Variants in PCDH9 observed in about 807,000 individuals in gnomAD.
The protein encoded by PCDH9 is protocadherin-9.
In PCDH9, 24 loss-of-function variants were observed where a neutral mutation model predicts 70.6. The observed-to-expected ratio is 0.34, with a 90% confidence interval of 0.25 to 0.48. PCDH9 has a LOEUF of 0.48. Ranked by LOEUF, PCDH9 falls within the 20% of genes least tolerant of loss-of-function variation. The pLI is 0.99. For missense variants in PCDH9, 1,281 were observed against 1,503.6 expected, an observed-to-expected ratio of 0.85 and a Z score of 2.45; for synonymous variants, 562 against 558.5, an observed-to-expected ratio of 1.01 and a Z score of -0.09.
chr13:67,166,603 C>T (rs185852602), intron 2 of PCDH9, among the ~76,000 whole-genome samples: 10 of 152,092 alleles, frequency 6.6e-5, no homozygotes, highest in South Asian at 2.1e-4. Flanking sequence ...TGAAAGTGTC[C>T]GGTTATTTTA....
chr13:66,608,097 T>C (rs1006463906), intron 4 of PCDH9, among the ~76,000 whole-genome samples: 24 of 152,082 alleles, frequency 1.6e-4, no homozygotes, highest in African/African-American at 5.8e-4. Context: ...GATCAGAAGG[T>C]ATTTTACAAC....
chr13:66,526,667 T>G (rs1174008387), intron 4 of PCDH9, among the ~76,000 whole-genome samples: 1 of 152,082 alleles, frequency 6.6e-6, no homozygotes, highest in Non-Finnish European at 1.5e-5. Flanking sequence ...ATATACAAGA[T>G]GCTTCTGATA....
chr13:66,309,403 CTGAT>C (rs1468405300), intron 4 of PCDH9, among the ~76,000 whole-genome samples: 1 of 152,008 alleles, frequency 6.6e-6, no homozygotes, highest in African/African-American at 2.4e-5. Flanking sequence ...TGTTTATAAT[CTGAT>C]ATATGCTAAT....
At chr13:67,214,879 G>A (rs1465173737) in intron 2 of PCDH9, 1 of 139,186 alleles carries the variant, frequency 7.2e-6, no homozygotes, top group African/African-American at 2.6e-5. Context: ...TGGTATTCTT[G>A]GACAGGAGGT....
chr13:67,093,179 G>C (rs1213374477), intron 2 of PCDH9, among the ~76,000 whole-genome samples: 1 of 152,146 alleles, frequency 6.6e-6, no homozygotes, highest in Non-Finnish European at 1.5e-5. Flanking sequence ...AATAGATCAG[G>C]TGCCGTGGCT....
At chr13:66,899,791 G>C (rs1317442275) in intron 3 of PCDH9, among the ~76,000 whole-genome samples, 2 of 151,960 alleles carry the variant, frequency 1.3e-5, no homozygotes, top group Non-Finnish European at 2.9e-5. Flanking sequence ...TTTAATCATT[G>C]CAATGTTTCT....
intron 2 of PCDH9, among the ~76,000 whole-genome samples, chr13:67,192,169 A>C (rs1228305050): frequency 2.6e-5 from 4 of 152,122 alleles, no homozygotes; most frequent in Non-Finnish European, 5.9e-5. Flanking sequence ...ATGGGGAAAA[A>C]CAAAAAGAAT....
intron 3 of PCDH9, among the ~76,000 whole-genome samples, chr13:66,865,621 TG>T (rs1354288825): frequency 6.6e-6 from 1 of 152,198 alleles, no homozygotes; most frequent in Non-Finnish European, 1.5e-5. Flanking sequence ...CTTCACAAAA[TG>T]TATCTTCCCT....
At chr13:66,318,179 T>A (rs1955688310) in intron 4 of PCDH9, among the ~76,000 whole-genome samples, 2 of 152,170 alleles carry the variant, frequency 1.3e-5, no homozygotes, top group Non-Finnish European at 2.9e-5. Context: ...ACTTCATTAA[T>A]ATGGTTTCTT....
chr13:66,650,608 T>C (rs1434257700), intron 3 of PCDH9, among the ~76,000 whole-genome samples: 1 of 151,914 alleles, frequency 6.6e-6, no homozygotes, highest in Admixed American at 6.6e-5. Flanking sequence ...GACGTTGTCT[T>C]GCAAAGTCCC....
intron 4 of PCDH9, among the ~76,000 whole-genome samples, chr13:66,448,304 G>T (rs1318249892): frequency 1.3e-5 from 2 of 152,210 alleles, no homozygotes; most frequent in Admixed American, 6.5e-5. Flanking sequence ...AGAAATAGCT[G>T]TTTGCTACCT....
At chr13:66,941,743 G>A (rs1033195370) in intron 2 of PCDH9, among the ~76,000 whole-genome samples, 2 of 151,828 alleles carry the variant, frequency 1.3e-5, no homozygotes, top group Non-Finnish European at 2.9e-5. Flanking sequence ...CAATATACAT[G>A]AAGTAAAAAC....
intron 3 of PCDH9, among the ~76,000 whole-genome samples, chr13:66,790,680 T>G (rs2080150396): frequency 6.6e-6 from 1 of 152,064 alleles, no homozygotes; most frequent in Non-Finnish European, 1.5e-5. Context: ...CTTTTTCCCA[T>G]GACATAAATT....
At chr13:66,387,155 T>G (rs774269313) in intron 4 of PCDH9, among the ~76,000 whole-genome samples, 2 of 152,174 alleles carry the variant, frequency 1.3e-5, no homozygotes, top group African/African-American at 4.8e-5. Flanking sequence ...TCAAAGCATC[T>G]TCTTAATTAT....
At chr13:66,705,096 A>C (rs1318700637) in intron 3 of PCDH9, among the ~76,000 whole-genome samples, 8 of 152,144 alleles carry the variant, frequency 5.3e-5, no homozygotes, top group African/African-American at 1.9e-4. Flanking sequence ...TGAAATGGTT[A>C]CAAAGGGGTA....
intron 3 of PCDH9, among the ~76,000 whole-genome samples, chr13:66,798,961 G>A (rs962919173): frequency 6.6e-5 from 10 of 151,816 alleles, no homozygotes; most frequent in Admixed American, 3.3e-4. Context: ...ATTACAGCGC[G>A]TGCCACCAGG....
intron 2 of PCDH9, among the ~76,000 whole-genome samples, chr13:67,090,171 CA>C (rs2086189563): frequency 6.6e-6 from 1 of 151,916 alleles, no homozygotes; most frequent in African/African-American, 2.4e-5. Flanking sequence ...ATGAAGACTA[CA>C]GTTGAACAAA....
chr13:66,618,088 A>T (rs1232098999), intron 4 of PCDH9, among the ~76,000 whole-genome samples: 1 of 152,118 alleles, frequency 6.6e-6, no homozygotes, highest in East Asian at 1.9e-4. Context: ...GGAATGGCTG[A>T]GTGGGAAACA....
At chr13:67,151,912 T>C (rs1350987998) in intron 2 of PCDH9, among the ~76,000 whole-genome samples, 1 of 152,080 alleles carries the variant, frequency 6.6e-6, no homozygotes, top group Non-Finnish European at 1.5e-5. Flanking sequence ...TGCATCATCA[T>C]TTTGCCTAAA....
Sources: allele counts gnomAD v4.1 joint callset (sites outside exome capture counted in the v4.1 genomes callset), GRCh38; gene constraint gnomAD v4.1.1; transcripts MANE v1.5; gene names NCBI Gene and HGNC (gene_info 2026-07-23, HGNC 2026-07-21).